HACL1: variants seen among roughly 807,000 people sequenced by gnomAD.
HACL1 encodes 2-hydroxyacyl-CoA lyase 1.
In HACL1, 64 loss-of-function variants were observed where a neutral mutation model predicts 74.2. That is an observed-to-expected ratio of 0.86 (90% CI 0.70 to 1.06). The LOEUF (loss-of-function observed/expected upper bound fraction) is 1.06. HACL1 is among the 50% of genes least tolerant of loss of function. The probability of loss-of-function intolerance (pLI) is 0.00; values close to 1 mark genes in which losing one functional copy is unlikely to be tolerated. For missense variants in HACL1, 728 were observed against 719.7 expected (o/e 1.01, Z -0.13); for synonymous variants, 230 against 238.8 (o/e 0.96, Z 0.34).
At chr3:15,595,807 C>G (rs1487375395) in intron 3 of HACL1, 1 of 152,012 alleles carries the variant, frequency 6.6e-6, no homozygotes, top group Non-Finnish European at 1.5e-5. Flanking sequence ...GATGGTGTTT[C>G]ACCATGTTGG....
chr3:15,571,610 A>G, intron 12 of HACL1, 58 bp downstream of exon 12: 1 of 823,438 alleles, frequency 1.2e-6, no homozygotes, highest in South Asian at 1.4e-5. Context: ...ACATTACGGC[A>G]GAAGTAACTG....
chr3:15,573,096 C>T, intron 11 of HACL1, 63 bp downstream of exon 11: 1 of 897,634 alleles, frequency 1.1e-6, no homozygotes, highest in Non-Finnish European at 1.9e-6. Context: ...AAGATTAAAA[C>T]ATTTTCAAGA....
chr3:15,585,175 T>C, intron 7 of HACL1, 73 bp downstream of exon 7: 1 of 750,938 alleles, frequency 1.3e-6, no homozygotes, highest in Non-Finnish European at 2.3e-6. Flanking sequence ...GCTGGGTAAA[T>C]TCTTCTAAAA....
Position 15,589,525 on chromosome 3 carries a change from C to T in HACL1, c.381+15G>A. 2 of 1,556,386 alleles carry T rather than the reference C, an allele frequency of 1.3e-6. No individual in the cohort carries two copies. Among genetic ancestry groups the T allele is most frequent in the Non-Finnish European group, 1.8e-6 (2 of 1,134,694 alleles). ...AATTAAAAATAAAAAAAACCAAAAT[C>T]TTAAAGTTGGATACCTGAGGAAACT... On this transcript the variant is annotated intron_variant, in intron 5 of 16. Coordinates refer to ENST00000321169, the MANE Select transcript of HACL1 (RefSeq NM_012260.4).
chr3:15,568,407 CT>C lies in HACL1; in HGVS notation c.1250+24del, dbSNP rs747425954. 6.2e-6 allele frequency: 9 copies of C among 1,446,002 alleles called. No homozygotes were observed. In the East Asian group the frequency reaches 2.1e-4, roughly 33 times the overall value. 89.6% of individuals were successfully genotyped at this position (1,446,002 alleles called of 1,614,324 possible). A position where few individuals can be genotyped will look rare whatever the true frequency, so the allele number is the denominator to read the frequency against. ...TTAAACACATTATAATGAATTACGA[CT>C]TCTTTCTTCTTTAGAAGTCTTACCT... is the stretch of plus-strand genomic sequence containing the variant. On this transcript the variant is annotated intron_variant, in intron 13 of 16. Transcript: ENST00000321169.
intron 14 of HACL1, among the ~76,000 whole-genome samples, chr3:15,565,583 T>C (rs1167336327): frequency 6.6e-6 from 1 of 152,240 alleles, no homozygotes; most frequent in Non-Finnish European, 1.5e-5. Flanking sequence ...GTAGGTTTTA[T>C]TTTCTAACAT....
At chr3:15,583,061 T>C (rs1048021107) in intron 7 of HACL1, 72 bp from the exon 8 acceptor site, 41 of 701,642 alleles carry the variant, frequency 5.8e-5, no homozygotes, top group Admixed American at 1.7e-4. Flanking sequence ...TTCAAATATA[T>C]AGAAAGGTAG....
At chr3:15,595,651 C>T (rs893358606) in intron 3 of HACL1, among the ~76,000 whole-genome samples, 1 of 145,108 alleles carries the variant, frequency 6.9e-6, no homozygotes, top group African/African-American at 2.6e-5. Flanking sequence ...ACTCTATCAC[C>T]CAGGCTGGAG....
intron 7 of HACL1, among the ~76,000 whole-genome samples, chr3:15,584,942 G>A (rs1275258934): frequency 6.6e-6 from 1 of 152,098 alleles, no homozygotes; most frequent in African/African-American, 2.4e-5. Flanking sequence ...ACATTATAAA[G>A]ATTCTCAAGG....
Position 15,570,362 on chromosome 3 carries a change from A to T in HACL1, c.1095+1306T>A, listed in dbSNP as rs1003918614. 2.0e-5 allele frequency among the ~76,000 whole-genome samples: 3 copies of T among 151,834 alleles called. No individual in the cohort carries two copies. In the East Asian group the frequency reaches 5.8e-4, roughly 29 times the overall value. ...GTCCCCAAAAAAAAAAAAAATTCCA[A>T]TGTAAGACAGATTCATGTACAATCA... On this transcript the variant is annotated intron_variant, in intron 12 of 16. Coordinates refer to ENST00000321169, the MANE Select transcript of HACL1 (RefSeq NM_012260.4).
chr3:15,597,761 T>C (rs557935699), intron 2 of HACL1, among the ~76,000 whole-genome samples: 1 of 152,068 alleles, frequency 6.6e-6, no homozygotes, highest in South Asian at 2.1e-4. Flanking sequence ...CCCATCTCTC[T>C]TTCCTTTTGC....
chr3:15,577,783 G>A (rs2063651630), intron 9 of HACL1, among the ~76,000 whole-genome samples: 1 of 151,624 alleles, frequency 6.6e-6, no homozygotes, highest in South Asian at 2.1e-4. Flanking sequence ...AGGCAACAGA[G>A]CAAGACCCTG....
intron 12 of HACL1, among the ~76,000 whole-genome samples, chr3:15,569,689 C>T (rs2063491469): frequency 6.6e-6 from 1 of 152,090 alleles, no homozygotes; most frequent in Admixed American, 6.5e-5. Flanking sequence ...GGCATGGTGG[C>T]ACATGCCTGT....
chr3:15,599,510 TAA>T (rs59029536), intron 2 of HACL1, among the ~76,000 whole-genome samples: 7 of 145,072 alleles, frequency 4.8e-5, no homozygotes, highest in African/African-American at 1.3e-4. Flanking sequence ...TGCCTACTGT[TAA>T]AAAAAAAAAA....
intron 4 of HACL1, among the ~76,000 whole-genome samples, chr3:15,590,696 T>A (rs2063875495): frequency 6.6e-6 from 1 of 152,252 alleles, no homozygotes; most frequent in Admixed American, 6.5e-5. Flanking sequence ...TGAGCTTGGA[T>A]CTTTAAAAAA....
At chr3:15,595,399 G>A (rs2064037972) in intron 3 of HACL1, among the ~76,000 whole-genome samples, 1 of 151,780 alleles carries the variant, frequency 6.6e-6, no homozygotes. Context: ...TTATTAGTTT[G>A]CATTTCTTAG....
At chr3:15,596,517 A>T (rs1050635912) in intron 2 of HACL1, 93 bp from the exon 3 acceptor site, 1 of 749,532 alleles carries the variant, frequency 1.3e-6, no homozygotes, top group African/African-American at 1.7e-5. Context: ...ACAAGAACAT[A>T]GTGGTAAAGG....
chr3:15,593,148 CACAT>C (rs1207449579), intron 3 of HACL1, among the ~76,000 whole-genome samples: 4 of 147,686 alleles, frequency 2.7e-5, no homozygotes, highest in Non-Finnish European at 4.5e-5. Flanking sequence ...TATATATACA[CACAT>C]ACACACATAC....
intron 11 of HACL1, among the ~76,000 whole-genome samples, chr3:15,572,531 C>T (rs1427825078): frequency 6.6e-6 from 1 of 152,206 alleles, no homozygotes; most frequent in Non-Finnish European, 1.5e-5. Flanking sequence ...CAACAAATAA[C>T]CACGGACTCC....
Sources: gnomAD v4.1 joint callset for allele counts (sites outside exome capture counted in the v4.1 genomes callset) on GRCh38, gnomAD v4.1.1 for gene constraint, MANE v1.5 for transcripts, NCBI Gene and HGNC (gene_info 2026-07-23, HGNC 2026-07-21) for gene names.